The following KANK1 variants were observed in gnomAD, a reference collection of about 807,000 sequenced individuals.
The protein encoded by KANK1 is KN motif and ankyrin repeat domains 1.
Under a neutral mutation model 106.2 loss-of-function variants are expected in KANK1, and 109 were observed. The observed-to-expected ratio is 1.03, with a 90% CI of 0.88 to 1.20. The LOEUF is 1.20. Ranked by LOEUF, KANK1 falls within the 50% of genes most tolerant of loss-of-function variation. The probability of loss-of-function intolerance (pLI) is 0.00; values close to 1 mark genes in which losing one functional copy is unlikely to be tolerated. For synonymous variants in KANK1, 873 were observed against 652.2 expected, an observed-to-expected ratio of 1.34 and a Z score of -5.16; for missense variants, 2,399 against 1,710.7, an observed-to-expected ratio of 1.40 and a Z score of -7.10.
intron 1 of KANK1, among the ~76,000 whole-genome samples, chr9:589,140 T>A (rs923581514): frequency 6.6e-6 from 1 of 152,194 alleles, no homozygotes; most frequent in Non-Finnish European, 1.5e-5. Context: ...TGCTTTATAT[T>A]AAGCTGCCAG....
rs188944414 is a variant in KANK1 at position 720,437 on chromosome 9, C to G, written c.2698+6973C>G. ...ATAGCTCACCATAGCCCCTAACTGCCAAGCTCAAGCTGTCCTCACACGTGA... is the reference window on the plus strand; with the variant it reads ...ATAGCTCACCATAGCCCCTAACTGCGAAGCTCAAGCTGTCCTCACACGTGA... On this transcript the variant is annotated intron_variant, in intron 3 of 11. Transcript: ENST00000382297. Among the ~76,000 whole-genome samples, 338 of 152,336 alleles carry G rather than the reference C, an allele frequency of 2.2e-3. 2 individuals carry two copies. Among genetic ancestry groups the G allele is most frequent in the Non-Finnish European group, 4.0e-3 (269 of 68,038 alleles).
chr9:561,354 T>G (rs566538582), intron 1 of KANK1, among the ~76,000 whole-genome samples: 11 of 152,348 alleles, frequency 7.2e-5, no homozygotes, highest in Non-Finnish European at 1.2e-4. Flanking sequence ...CTATTTGATA[T>G]GTTCATATGA....
rs145515990 is a variant in KANK1 at position 711,945 on chromosome 9, G to T, written c.1179G>T (p.Arg393Ser). The change falls in exon 3 of 12, where the codon AGG (arginine) becomes AGT (serine). Residue 393 changes from arginine (R) to serine (S), a missense_variant. Transcript: ENST00000382297. The part of the protein sequence containing the change: ...DSSCEASSEL[R>S]ENGECRSVAV... ...GCTGTGAGGCCTCCTCAGAGCTCAG[G>T]GAGAATGGAGAGTGCCGGTCTGTGG... 1 of 1,614,186 alleles carries T rather than the reference G, an allele frequency of 6.2e-7. No individual in the cohort carries two copies.
chr9:489,396 C>G (rs1039968949), intron 3 of KANK1, among the ~76,000 whole-genome samples: 2 of 152,030 alleles, frequency 1.3e-5, no homozygotes, highest in Non-Finnish European at 2.9e-5. Flanking sequence ...TGCAGAGCAT[C>G]CAGCCAAATT....
chr9:634,926 A>C (rs1588445306), intron 1 of KANK1, among the ~76,000 whole-genome samples: 2 of 152,238 alleles, frequency 1.3e-5, no homozygotes, highest in Non-Finnish European at 2.9e-5. Context: ...CCTCTTGGCA[A>C]AATGGCTACA....
chr9:568,092 G>C (rs916223491), intron 1 of KANK1, among the ~76,000 whole-genome samples: 1 of 152,086 alleles, frequency 6.6e-6, no homozygotes, highest in East Asian at 1.9e-4. Flanking sequence ...TAAATTCACA[G>C]ATGAGTGAAG....
At chr9:683,405 A>G (rs571551940) in intron 2 of KANK1, among the ~76,000 whole-genome samples, 2 of 152,332 alleles carry the variant, frequency 1.3e-5, no homozygotes, top group South Asian at 4.1e-4. Flanking sequence ...ATAAGCACGT[A>G]GGTAAGAACT....
chr9:493,313 G>T (rs565437696), intron 3 of KANK1, among the ~76,000 whole-genome samples: 1 of 152,224 alleles, frequency 6.6e-6, no homozygotes, highest in South Asian at 2.1e-4. Context: ...CAAACCTTTT[G>T]CCAGCAACCA....
chr9:642,773 T>TC (rs1413797450), intron 1 of KANK1, among the ~76,000 whole-genome samples: 2 of 149,938 alleles, frequency 1.3e-5, no homozygotes, highest in African/African-American at 5.1e-5. Context: ...CCTTTTTTTT[T>TC]TCTCTATCTA....
At chr9:476,330 G>A (rs1188252043) in intron 3 of KANK1, among the ~76,000 whole-genome samples, 1 of 152,066 alleles carries the variant, frequency 6.6e-6, no homozygotes, top group African/African-American at 2.4e-5. Context: ...AGACCAGCCT[G>A]GTCAACATAG....
intron 1 of KANK1, among the ~76,000 whole-genome samples, chr9:673,034 A>G (rs1218787515): frequency 1.3e-5 from 2 of 152,092 alleles, no homozygotes; most frequent in African/African-American, 4.8e-5. Flanking sequence ...TTTCTGGTTT[A>G]TACAATGCAC....
In KANK1 at chr9:732,600, G is replaced by T; in HGVS notation, c.3228G>T (p.Lys1076Asn). Reference protein sequence around the residue: ...EMQVQECEPEKVEIRERYELS... With the variant: ...EMQVQECEPENVEIRERYELS... ...AGGTTCAAGAATGTGAACCTGAGAA[G>T]GTGGAAATCAGAGAGAGGTGTGGTA... The change falls in exon 6 of 12, where the codon AAG (lysine) becomes AAT (asparagine). Residue 1076 changes from lysine to asparagine, a missense_variant. Transcript: ENST00000382297. 6.2e-7 allele frequency: 1 copy of T among 1,614,050 alleles called. No homozygotes were observed. The highest frequency in any genetic ancestry group is 8.5e-7 in the Non-Finnish European group (1 of 1,179,962).
chr9:509,125 A>G (rs937848665), intron 1 of KANK1, among the ~76,000 whole-genome samples: 78 of 151,876 alleles, frequency 5.1e-4, no homozygotes, highest in Non-Finnish European at 7.9e-4. Flanking sequence ...TTGGAGGCGG[A>G]GTCTTGCTCT....
intron 2 of KANK1, among the ~76,000 whole-genome samples, chr9:709,045 G>A (rs1825148196): frequency 6.6e-6 from 1 of 152,162 alleles, no homozygotes; most frequent in Admixed American, 6.5e-5. Context: ...TCCAGTGGTT[G>A]GAGTATGTAG....
Position 507,189 on chromosome 9 carries a change from C to CA in KANK1, c.-84+2443dup, listed in dbSNP as rs997545792. Among the ~76,000 whole-genome samples, 35 of 147,086 alleles carry CA rather than the reference C, an allele frequency of 2.4e-4. 1 individual carries two copies. The East Asian group carries it at 5.3e-3, about 22-fold the overall frequency. ...TTGACATAGCGAGACTCCGTCTCTACAAAAAAAATAAAAAATAACCGGATA... is the reference window on the plus strand; with the variant it reads ...TTGACATAGCGAGACTCCGTCTCTACAAAAAAAAATAAAAAATAACCGGATA... On this transcript the variant is annotated intron_variant, in intron 1 of 11. Coordinates refer to ENST00000382297, the MANE Select transcript of KANK1 (RefSeq NM_015158.5).
At chr9:562,800 G>A (rs143852985) in intron 1 of KANK1, among the ~76,000 whole-genome samples, 22 of 152,248 alleles carry the variant, frequency 1.4e-4, no homozygotes, top group Admixed American at 3.3e-4. Context: ...ACTTCATCAC[G>A]GCAGAAGTTG....
At chr9:648,500 A>T (rs1840209425) in intron 1 of KANK1, among the ~76,000 whole-genome samples, 1 of 152,198 alleles carries the variant, frequency 6.6e-6, no homozygotes, top group African/African-American at 2.4e-5. Context: ...ATGCAAAAGA[A>T]GTATGATAAT....
Position 740,837 on chromosome 9 carries a change from T to C in KANK1, c.3599T>C (p.Ile1200Thr). ...CAGAACAAGGCAGGCTACACCCCCA[T>C]CATGTTGGCGGCCCTCGCCGCTGTG... ...DHQNKAGYTPIMLAALAAVEA... is the reference protein window; with the variant it reads ...DHQNKAGYTPTMLAALAAVEA... Residue 1200 changes from isoleucine to threonine, a missense_variant, in exon 9 of 12, where the codon ATC (isoleucine) becomes ACC (threonine). By Grantham distance (89) the Ile-to-Thr change is moderately conservative. Coordinates refer to ENST00000382297, the MANE Select transcript of KANK1 (RefSeq NM_015158.5). 3.7e-6 allele frequency: 6 copies of C among 1,612,278 alleles called. No homozygotes were observed. Among genetic ancestry groups the C allele is most frequent in the Non-Finnish European group, 5.1e-6 (6 of 1,179,410 alleles).
Position 732,580 on chromosome 9 carries a change from CAAGAATGTGAACCT to C in KANK1, c.3209_3222del (p.Gln1070ArgfsTer10). On this transcript the variant is annotated frameshift_variant, in exon 6 of 12. Coordinates refer to ENST00000382297, the MANE Select transcript of KANK1 (RefSeq NM_015158.5). LOFTEE classifies it high-confidence loss of function. ...CAGGGTGGAAGATGAAATGCAGGTT[CAAGAATGTGAACCT>C]GAGAAGGTGGAAATCAGAGAGAGGT... 1 of 1,614,126 alleles carries C rather than the reference CAAGAATGTGAACCT, an allele frequency of 6.2e-7. No homozygotes were observed. Among genetic ancestry groups the C allele is most frequent in the Non-Finnish European group, 8.5e-7 (1 of 1,180,028 alleles).
Sources: gnomAD v4.1 joint callset for allele counts (sites outside exome capture counted in the v4.1 genomes callset) on GRCh38, gnomAD v4.1.1 for gene constraint, MANE v1.5 for transcripts, NCBI Gene and HGNC (gene_info 2026-07-23, HGNC 2026-07-21) for gene names.